Variants in TIAM1 observed in about 807,000 individuals in gnomAD.
TIAM1 encodes rho guanine nucleotide exchange factor TIAM1.
Under a neutral mutation model 163.5 loss-of-function variants are expected in TIAM1, and 65 were observed. The ratio of observed to expected loss-of-function variants is 0.40; its 90% CI spans 0.33 to 0.49. The LOEUF (loss-of-function observed/expected upper bound fraction) is 0.49. TIAM1 is among the 20% of genes least tolerant of loss of function. The pLI is 0.77. For synonymous variants in TIAM1, 833 were observed against 810.1 expected, an observed-to-expected ratio of 1.03 and a Z score of -0.48; for missense variants, 1,789 against 2,044.7, an observed-to-expected ratio of 0.87 and a Z score of 2.41.
rs1297211846 is a variant in TIAM1, at chr21:31,266,250, A to T, written c.723T>A (p.Ser241=). The change falls in exon 4 of 28, where the codon TCT becomes TCA. Residue 241 remains serine (S), a synonymous_variant. Coordinates refer to ENST00000541036, the MANE Select transcript of TIAM1 (RefSeq NM_001353694.2). ...SLGDLYAQKN[S]GVTANGGPGS... ...CCGGCCCCCCGTTTGCTGTCACTCC[A>T]GAGTTTTTCTGAGCATACAAGTCAC... 1.2e-6 allele frequency: 2 copies of T among 1,614,184 alleles called. No homozygotes were observed. Among genetic ancestry groups the T allele is most frequent in the Non-Finnish European group, 1.7e-6 (2 of 1,180,028 alleles).
At chr21:31,541,831 T>C (rs2048331342) in intron 1 of TIAM1, among the ~76,000 whole-genome samples, 1 of 152,262 alleles carries the variant, frequency 6.6e-6, no homozygotes, top group Non-Finnish European at 1.5e-5. Context: ...ACAAAAATCA[T>C]GCAGTCAATA....
At chr21:31,388,114 C>G (rs2076907318) in intron 2 of TIAM1, among the ~76,000 whole-genome samples, 1 of 151,908 alleles carries the variant, frequency 6.6e-6, no homozygotes, top group Non-Finnish European at 1.5e-5. Context: ...CCGCAAAAAG[C>G]TTCTTGTGCT....
intron 1 of TIAM1, among the ~76,000 whole-genome samples, chr21:31,473,603 C>A (rs930724632): frequency 6.6e-6 from 1 of 151,688 alleles, no homozygotes; most frequent in Non-Finnish European, 1.5e-5. Context: ...GCTGGCCTCC[C>A]GTCAGTCTGA....
At chr21:31,252,217 A>C (rs368709387) in intron 4 of TIAM1, 28 bp from the exon 5 acceptor site, 1 of 1,588,018 alleles carries the variant, frequency 6.3e-7, no homozygotes, top group African/African-American at 1.3e-5. Context: ...AGAGCAAAGA[A>C]GACAAGCGTC....
At chr21:31,329,196 C>G (rs75904028) in intron 2 of TIAM1, among the ~76,000 whole-genome samples, 2,189 of 152,306 alleles carry the variant, frequency 0.014, 26 homozygotes, top group Non-Finnish European at 0.023. Flanking sequence ...TTGATATTGT[C>G]TGTATCCAGA....
chr21:31,217,460 C>A, intron 9 of TIAM1, 93 bp downstream of exon 9: 1 of 1,512,490 alleles, frequency 6.6e-7, no homozygotes, highest in Non-Finnish European at 8.9e-7. Flanking sequence ...TTAAATAACA[C>A]TCGGCCTCAC....
At chr21:31,287,527 G>C (rs1002335038) in intron 2 of TIAM1, among the ~76,000 whole-genome samples, 1 of 152,160 alleles carries the variant, frequency 6.6e-6, no homozygotes, top group African/African-American at 2.4e-5. Flanking sequence ...AGAGGCTCTC[G>C]GTTGAACCTG....
chr21:31,254,265 C>T (rs962471679), intron 4 of TIAM1, among the ~76,000 whole-genome samples: 7 of 152,348 alleles, frequency 4.6e-5, no homozygotes, highest in African/African-American at 1.7e-4. Flanking sequence ...GATTGACAGC[C>T]TGCGGCTTAG....
Position 31,296,673 on chromosome 21 carries a change from T to G in TIAM1, c.-188-19765A>C, listed in dbSNP as rs1481791763. On this transcript the variant is annotated intron_variant, in intron 2 of 27. Coordinates refer to ENST00000541036, the MANE Select transcript of TIAM1 (RefSeq NM_001353694.2). ...ATTTGAGATTGGACTGGAATTTTTTTTTTTTCTTGAGACAGAGTCTCGCTC... is the reference window on the plus strand; with the variant it reads ...ATTTGAGATTGGACTGGAATTTTTTGTTTTTCTTGAGACAGAGTCTCGCTC... Among the ~76,000 whole-genome samples the G allele has an allele frequency of 2.6e-5, 4 of 152,080 alleles. No homozygotes were observed. The East Asian group carries it at 7.7e-4, about 29-fold the overall frequency.
In TIAM1 at chr21:31,130,614, C is replaced by T. The variant is rs371516346; in HGVS notation, c.3942+276G>A. Among the ~76,000 whole-genome samples the T allele has an allele frequency of 2.6e-5, 4 of 152,192 alleles. No individual in the cohort carries two copies. The South Asian group carries it at 6.2e-4, about 24-fold the overall frequency. ...GGGCAACAGAGAAGGGGAAAAGTAG[C>T]GTTAGGAAGGTTCTGGGCCATGGCA... On this transcript the variant is annotated intron_variant, in intron 24 of 27. Coordinates refer to ENST00000541036, the MANE Select transcript of TIAM1 (RefSeq NM_001353694.2).
intron 15 of TIAM1, among the ~76,000 whole-genome samples, chr21:31,169,950 G>C (rs377589449): frequency 6.6e-6 from 1 of 152,022 alleles, no homozygotes; most frequent in Non-Finnish European, 1.5e-5. Flanking sequence ...GTTGAAAGGA[G>C]AAAGCAGAAT....
chr21:31,246,458 A>G (rs1054204959), intron 5 of TIAM1, among the ~76,000 whole-genome samples: 3 of 152,190 alleles, frequency 2.0e-5, no homozygotes, highest in Non-Finnish European at 4.4e-5. Flanking sequence ...TGAGCTGAAC[A>G]TTTACTCCAA....
At chr21:31,365,212 C>T (rs1037839548) in intron 2 of TIAM1, among the ~76,000 whole-genome samples, 8 of 152,032 alleles carry the variant, frequency 5.3e-5, no homozygotes, top group Admixed American at 5.2e-4. Flanking sequence ...AAGATCTCCC[C>T]AGCAGATCCT....
intron 1 of TIAM1, among the ~76,000 whole-genome samples, chr21:31,556,112 G>A (rs1601093421): frequency 6.6e-6 from 1 of 152,158 alleles, no homozygotes; most frequent in Non-Finnish European, 1.5e-5. Context: ...GCCCCCAACT[G>A]ATTTGATCCC....
chr21:31,271,509 A>G (rs1319181052), intron 3 of TIAM1, among the ~76,000 whole-genome samples: 1 of 152,128 alleles, frequency 6.6e-6, no homozygotes, highest in Non-Finnish European at 1.5e-5. Flanking sequence ...ATCCTGATCC[A>G]TGAACTTAGG....
chr21:31,298,767 T>TGTGAGAGAGA, intron 2 of TIAM1, among the ~76,000 whole-genome samples: 1 of 125,954 alleles, frequency 7.9e-6, no homozygotes, highest in African/African-American at 3.6e-5. Flanking sequence ...TGTGTGTGTG[T>TGTGAGAGAGA]GAGAAACAGA....
intron 12 of TIAM1, among the ~76,000 whole-genome samples, chr21:31,197,539 CTT>C (rs58141765): frequency 8.9e-5 from 11 of 123,208 alleles, no homozygotes; most frequent in East Asian, 2.7e-4. Flanking sequence ...CCGCGCCCGG[CTT>C]TTTTTTTTTT....
chr21:31,431,133 T>C (rs1325109718), intron 2 of TIAM1, among the ~76,000 whole-genome samples: 2 of 152,202 alleles, frequency 1.3e-5, no homozygotes, highest in East Asian at 1.9e-4. Flanking sequence ...CTCCCCCTTA[T>C]CCACTGGAAG....
In TIAM1 at chr21:31,340,138, C is replaced by T. The variant is rs3787680; in HGVS notation, c.-368-716G>A. Among the ~76,000 whole-genome samples the T allele has an allele frequency of 7.8e-4, 118 of 151,710 alleles. 1 individual carries two copies. The South Asian group carries it at 0.012, about 16-fold the overall frequency. ...CCATAAAGCAAATGAAGCCTTTTCC[C>T]AGCTCACAATCCCTTTCCATCCCCA... On this transcript the variant is annotated intron_variant, in intron 1 of 27. Transcript: ENST00000541036.
Sources: allele counts gnomAD v4.1 joint callset (sites outside exome capture counted in the v4.1 genomes callset), GRCh38; gene constraint gnomAD v4.1.1; transcripts MANE v1.5; gene names NCBI Gene and HGNC (gene_info 2026-07-23, HGNC 2026-07-21).